CSMD1: variants seen among roughly 807,000 people sequenced by gnomAD.
CSMD1 encodes CUB and Sushi multiple domains 1, also known as CUB and sushi domain-containing protein 1.
A neutral mutation model predicts 417.5 loss-of-function variants in CSMD1; 213 were observed. The ratio of observed to expected loss-of-function variants is 0.51; its 90% CI spans 0.46 to 0.57. CSMD1 has a LOEUF of 0.57. Among genes scored for constraint, CSMD1 ranks in the 20% least tolerant of loss-of-function variants. CSMD1 has a pLI of 0.00. For synonymous variants in CSMD1, 2,862 were observed against 1,736.8 expected (o/e 1.65, Z -16.11); for missense variants, 6,923 against 4,529.7 (o/e 1.53, Z -15.17).
chr8:4,587,686 G>C (rs575377941), intron 2 of CSMD1, among the ~76,000 whole-genome samples: 36 of 152,054 alleles, frequency 2.4e-4, no homozygotes, highest in Non-Finnish European at 4.3e-4. Flanking sequence ...GCCTTCACTA[G>C]GTACTGGTTA....
intron 3 of CSMD1, among the ~76,000 whole-genome samples, chr8:4,344,044 T>G (rs1169699486): frequency 1.3e-5 from 2 of 152,158 alleles, no homozygotes; most frequent in African/African-American, 2.4e-5. Context: ...CAAATAGGTG[T>G]GTGTATGTGC....
At chr8:3,395,520 C>G (rs1218476756) in intron 17 of CSMD1, among the ~76,000 whole-genome samples, 1 of 152,122 alleles carries the variant, frequency 6.6e-6, no homozygotes, top group East Asian at 1.9e-4. Context: ...GAAGCTAAAA[C>G]TTTGATTTCA....
At chr8:4,617,050 A>T (rs1801510472) in intron 2 of CSMD1, among the ~76,000 whole-genome samples, 1 of 152,060 alleles carries the variant, frequency 6.6e-6, no homozygotes. Context: ...ATGATAGTTT[A>T]ATCTTATTTT....
chr8:4,315,417 G>T (rs1172616324), intron 3 of CSMD1, among the ~76,000 whole-genome samples: 5 of 152,128 alleles, frequency 3.3e-5, no homozygotes, highest in Admixed American at 3.3e-4. Flanking sequence ...AGTGGCCCAT[G>T]TTCAGCAAAT....
intron 8 of CSMD1, among the ~76,000 whole-genome samples, chr8:3,611,212 C>A (rs1027281995): frequency 6.7e-6 from 1 of 150,206 alleles, no homozygotes; most frequent in Non-Finnish European, 1.5e-5. Context: ...TGCACATGTA[C>A]CCTAAAAACT....
chr8:3,105,669 G>C (rs1313206479), intron 46 of CSMD1, among the ~76,000 whole-genome samples: 4 of 152,156 alleles, frequency 2.6e-5, no homozygotes, highest in African/African-American at 4.8e-5. Flanking sequence ...AGAAAAACTT[G>C]AGATGTGCAT....
chr8:4,296,278 G>A (rs1165922849), intron 3 of CSMD1, among the ~76,000 whole-genome samples: 1 of 152,114 alleles, frequency 6.6e-6, no homozygotes, highest in African/African-American at 2.4e-5. Flanking sequence ...ATTCAGAAGT[G>A]CCCAAGGCAG....
chr8:4,512,891 G>C, intron 2 of CSMD1, among the ~76,000 whole-genome samples: 1 of 151,442 alleles, frequency 6.6e-6, no homozygotes, highest in East Asian at 1.9e-4. Flanking sequence ...CCAAGTGAAA[G>C]AAGTTAATTT....
chr8:3,481,461 C>T (rs1379292709), intron 11 of CSMD1, among the ~76,000 whole-genome samples: 4 of 152,268 alleles, frequency 2.6e-5, no homozygotes, highest in African/African-American at 4.8e-5. Context: ...TTCCATACTT[C>T]AGGTGGTAAA....
chr8:4,319,647 T>C (rs1353170807), intron 3 of CSMD1, among the ~76,000 whole-genome samples: 12 of 152,148 alleles, frequency 7.9e-5, no homozygotes, highest in Non-Finnish European at 1.8e-4. Flanking sequence ...CCCAGTTCAC[T>C]GCCTGGAAAG....
intron 3 of CSMD1, among the ~76,000 whole-genome samples, chr8:4,034,503 C>G (rs961990633): frequency 6.6e-6 from 1 of 152,044 alleles, no homozygotes; most frequent in Non-Finnish European, 1.5e-5. Context: ...AACATGTGTG[C>G]TGTTTATAGT....
intron 3 of CSMD1, among the ~76,000 whole-genome samples, chr8:4,056,384 T>C (rs901661314): frequency 2.0e-5 from 3 of 151,132 alleles, no homozygotes; most frequent in African/African-American, 2.5e-5. Context: ...TGCCCAGCCA[T>C]ATTGGTGAAT....
intron 5 of CSMD1, among the ~76,000 whole-genome samples, chr8:3,987,521 C>G (rs1814424039): frequency 6.6e-6 from 1 of 152,172 alleles, no homozygotes; most frequent in Admixed American, 6.5e-5. Context: ...AACCAAAAAT[C>G]TGGGAGTCTG....
intron 37 of CSMD1, among the ~76,000 whole-genome samples, chr8:3,165,310 G>T (rs879522391): frequency 6.6e-6 from 1 of 152,096 alleles, no homozygotes; most frequent in Admixed American, 6.5e-5. Context: ...TATGATCAGA[G>T]CCCAAGTATT....
chr8:3,930,074 G>C (rs1315272453), intron 5 of CSMD1, among the ~76,000 whole-genome samples: 1 of 150,334 alleles, frequency 6.7e-6, no homozygotes, highest in Non-Finnish European at 1.5e-5. Flanking sequence ...ACCTAGGCAT[G>C]TTTTTCTTCC....
chr8:4,657,478 G>T (rs1012516966), intron 1 of CSMD1, among the ~76,000 whole-genome samples: 1 of 151,774 alleles, frequency 6.6e-6, no homozygotes, highest in African/African-American at 2.4e-5. Flanking sequence ...CTGTCAAAAC[G>T]CTGTTTAAAC....
intron 3 of CSMD1, among the ~76,000 whole-genome samples, chr8:4,352,820 T>C (rs1250380447): frequency 6.6e-6 from 1 of 152,230 alleles, no homozygotes; most frequent in African/African-American, 2.4e-5. Flanking sequence ...TTCAAGATGG[T>C]TCAAACGAAC....
At chr8:2,970,044 T>C (rs951628422) in intron 57 of CSMD1, among the ~76,000 whole-genome samples, 5 of 152,228 alleles carry the variant, frequency 3.3e-5, no homozygotes, top group Non-Finnish European at 7.3e-5. Context: ...GTTTCTAATT[T>C]TTTTTCATAG....
intron 1 of CSMD1, among the ~76,000 whole-genome samples, chr8:4,678,821 G>C (rs138636119): frequency 1.3e-5 from 2 of 152,164 alleles, no homozygotes; most frequent in Non-Finnish European, 2.9e-5. Context: ...GCAAGGGTGT[G>C]GTTTTTGCTA....
Sources: gnomAD v4.1 joint callset for allele counts (sites outside exome capture counted in the v4.1 genomes callset) on GRCh38, gnomAD v4.1.1 for gene constraint, MANE v1.5 for transcripts, NCBI Gene and HGNC (gene_info 2026-07-23, HGNC 2026-07-21) for gene names.